The following SPOP variants were observed in gnomAD, a reference collection of about 807,000 sequenced individuals.
The protein encoded by SPOP is speckle-type POZ protein.
A neutral mutation model predicts 45.6 loss-of-function variants in SPOP; 11 were observed. The observed-to-expected ratio is 0.24, with a 90% CI of 0.15 to 0.40. The LOEUF (loss-of-function observed/expected upper bound fraction) is 0.40, where lower values mean the gene tolerates loss of function less well. SPOP is among the 10% of genes least tolerant of loss of function. SPOP has a pLI of 1.00. For synonymous variants in SPOP, 166 were observed against 166.3 expected, an observed-to-expected ratio of 1.00 and a Z score of 0.01; for missense variants, 152 against 465.6, an observed-to-expected ratio of 0.33 and a Z score of 6.20.
intron 5 of SPOP, among the ~76,000 whole-genome samples, chr17:49,618,189 C>G (rs1399824419): frequency 1.3e-5 from 2 of 152,138 alleles, no homozygotes; most frequent in Non-Finnish European, 2.9e-5. Flanking sequence ...GGTTCCTCAA[C>G]CTATGTGCAG....
intron 5 of SPOP, among the ~76,000 whole-genome samples, chr17:49,615,917 A>G (rs1431091840): frequency 2.1e-5 from 3 of 141,144 alleles, no homozygotes; most frequent in Non-Finnish European, 4.9e-5. Context: ...TGAAGAAAAC[A>G]GAACTAAACC....
chr17:49,647,989 A>G (rs936707408), intron 1 of SPOP, among the ~76,000 whole-genome samples: 1 of 152,196 alleles, frequency 6.6e-6, no homozygotes, highest in Non-Finnish European at 1.5e-5. Context: ...TTCTTTAATT[A>G]TATTCATTTC....
intron 1 of SPOP, among the ~76,000 whole-genome samples, chr17:49,634,500 A>C (rs2072508057): frequency 6.6e-6 from 1 of 152,228 alleles, no homozygotes; most frequent in South Asian, 2.1e-4. Flanking sequence ...CCAATTTGAG[A>C]GGTTATGGTC....
Position 49,619,219 on chromosome 17 carries a change from G to T in SPOP, c.352+15C>A, listed in dbSNP as rs745780806. 1 of 1,613,518 alleles carries T rather than the reference G, an allele frequency of 6.2e-7. No individual in the cohort carries two copies. Among genetic ancestry groups the T allele is most frequent in the African/African-American group, 1.3e-5 (1 of 74,900 alleles). ...ATGTGAAACTTAAGAGTTGAACAAA[G>T]AGGAGAACATTTACCCATAGCTTTG... On this transcript the variant is annotated intron_variant, in intron 4 of 9. Coordinates refer to ENST00000504102, the MANE Select transcript of SPOP (RefSeq NM_001007228.2). The surrounding 1 kb of genome is among the most constrained non-coding windows in gnomAD (Gnocchi z 4.9).
At chr17:49,637,999 C>T (rs1356645100) in intron 1 of SPOP, among the ~76,000 whole-genome samples, 3 of 152,204 alleles carry the variant, frequency 2.0e-5, no homozygotes, top group South Asian at 2.1e-4. Flanking sequence ...GCACACGCCA[C>T]CATGCCTGGC....
intron 1 of SPOP, among the ~76,000 whole-genome samples, chr17:49,627,006 T>C (rs141350782): frequency 0.037 from 5,653 of 152,126 alleles, 124 homozygotes; most frequent in Admixed American, 0.065. Context: ...CCCGCCACCA[T>C]GCCCAGCTAA....
intron 1 of SPOP, 59 bp downstream of exon 1, chr17:49,677,874 T>TG: frequency 2.9e-6 from 1 of 343,520 alleles, no homozygotes; most frequent in Non-Finnish European, 5.1e-6. Context: ...TTCAGGGAGG[T>TG]GCCCCCCCCC....
Position 49,619,145 on chromosome 17 carries a change from C to A in SPOP, c.353-37G>T, listed in dbSNP as rs775763291. On this transcript the variant is annotated intron_variant, in intron 4 of 9. Coordinates refer to ENST00000504102, the MANE Select transcript of SPOP (RefSeq NM_001007228.2). The surrounding 1 kb of genome is among the most constrained non-coding windows in gnomAD (Gnocchi z 4.9). ...AAAAAAAAAGTCATATTTAAGGTTA[C>A]GCAAAAACCAGATCAAAGCCACAAC... 3.1e-6 allele frequency: 5 copies of A among 1,613,102 alleles called. No homozygotes were observed. The African/African-American group carries it at 5.4e-5, about 17-fold the overall frequency.
chr17:49,607,177 T>G, intron 8 of SPOP, 73 bp downstream of exon 8: 1 of 1,601,992 alleles, frequency 6.2e-7, no homozygotes, highest in Non-Finnish European at 8.5e-7. Flanking sequence ...CAATGCAACA[T>G]AGAATCCTGT....
At chr17:49,609,419 G>C (rs553357582) in intron 6 of SPOP, among the ~76,000 whole-genome samples, 1 of 152,196 alleles carries the variant, frequency 6.6e-6, no homozygotes, top group South Asian at 2.1e-4. Flanking sequence ...AAAGCAGCCA[G>C]GTCTTGAGGG....
chr17:49,629,007 C>T (rs978608729), intron 1 of SPOP, among the ~76,000 whole-genome samples: 1 of 151,982 alleles, frequency 6.6e-6, no homozygotes, highest in Admixed American at 6.6e-5. Flanking sequence ...ACTTTGGGAG[C>T]CCGAGGTGGG....
At chr17:49,605,867 A>G (rs960621945) in intron 8 of SPOP, among the ~76,000 whole-genome samples, 1 of 151,000 alleles carries the variant, frequency 6.6e-6, no homozygotes, top group Non-Finnish European at 1.5e-5. Context: ...GGGCGCCTGT[A>G]ATCCCAGCTA....
In SPOP at chr17:49,600,263, T is replaced by G. The variant is rs977971954; in HGVS notation, c.*115A>C. ...AGTCTGGGGCCACAATGCAGTCTCT[T>G]CCCCTCACAACAGAGTAAAAGCTCC... On this transcript the variant is annotated 3_prime_UTR_variant, in exon 10 of 10. Coordinates refer to ENST00000504102, the MANE Select transcript of SPOP (RefSeq NM_001007228.2). The surrounding 1 kb of genome is among the most constrained non-coding windows in gnomAD (Gnocchi z 4.2). 2 of 1,379,298 alleles carry G rather than the reference T, an allele frequency of 1.5e-6. No individual in the cohort carries two copies. Among genetic ancestry groups the G allele is most frequent in the Non-Finnish European group, 2.0e-6 (2 of 993,992 alleles). 85.4% of individuals were successfully genotyped at this position (1,379,298 alleles called of 1,614,324 possible).
chr17:49,660,755 G>A (rs977840214), intron 1 of SPOP, among the ~76,000 whole-genome samples: 3 of 152,152 alleles, frequency 2.0e-5, no homozygotes, highest in Non-Finnish European at 2.9e-5. Context: ...ACGAGGTCAG[G>A]AGATCGAAAC....
intron 1 of SPOP, among the ~76,000 whole-genome samples, chr17:49,632,183 T>C (rs867890222): frequency 6.6e-6 from 1 of 152,204 alleles, no homozygotes; most frequent in South Asian, 2.1e-4. Context: ...AATGTAGCTA[T>C]AGGAATCCAG....
At chr17:49,656,505 T>C (rs2072915347) in intron 1 of SPOP, among the ~76,000 whole-genome samples, 1 of 152,166 alleles carries the variant, frequency 6.6e-6, no homozygotes, top group Non-Finnish European at 1.5e-5. Context: ...TCCTCTCCAA[T>C]TAGTTGACTC....
At chr17:49,602,121 G>T in intron 8 of SPOP, 114 bp from the exon 9 acceptor site, 3 of 1,184,734 alleles carry the variant, frequency 2.5e-6, no homozygotes, top group South Asian at 1.7e-5. Context: ...GAATAGAACT[G>T]CACAGACCAT....
intron 1 of SPOP, among the ~76,000 whole-genome samples, chr17:49,667,208 A>G (rs1382295781): frequency 1.3e-5 from 2 of 149,452 alleles, no homozygotes; most frequent in South Asian, 2.1e-4. Context: ...AAATTAAAAC[A>G]CACCCATTAG....
At chr17:49,654,621 C>T (rs1375578460) in intron 1 of SPOP, among the ~76,000 whole-genome samples, 2 of 152,052 alleles carry the variant, frequency 1.3e-5, no homozygotes, top group African/African-American at 4.8e-5. Context: ...CCTGTCTCTA[C>T]TAAAATACAA....
Sources: allele counts gnomAD v4.1 joint callset (sites outside exome capture counted in the v4.1 genomes callset), GRCh38; gene constraint gnomAD v4.1.1; non-coding constraint Gnocchi (gnomAD v3.1); transcripts MANE v1.5; gene names NCBI Gene and HGNC (gene_info 2026-07-23, HGNC 2026-07-21).